The following MYO5B variants were observed in gnomAD, a reference collection of about 807,000 sequenced individuals.
MYO5B encodes myosin VB.
In MYO5B, 143 loss-of-function variants were observed where a neutral mutation model predicts 229.3. The observed-to-expected ratio is 0.62, with a 90% CI of 0.54 to 0.72. The LOEUF is 0.72. Among genes scored for constraint, MYO5B ranks in the 30% least tolerant of loss-of-function variants. The probability of loss-of-function intolerance (pLI) is 0.00; values close to 1 mark genes in which losing one functional copy is unlikely to be tolerated. For synonymous variants in MYO5B, 918 were observed against 885.2 expected (o/e 1.04, Z -0.66); for missense variants, 2,321 against 2,331.0 (o/e 1.00, Z 0.09).
intron 12 of MYO5B, among the ~76,000 whole-genome samples, chr18:49,957,821 C>A (rs538104792): frequency 1.7e-3 from 265 of 152,200 alleles, no homozygotes; most frequent in Middle Eastern, 0.01. Flanking sequence ...AGGCCTTGTA[C>A]CCCTGCTGAC....
At chr18:50,110,441 A>T (rs554663349) in intron 1 of MYO5B, among the ~76,000 whole-genome samples, 1 of 152,082 alleles carries the variant, frequency 6.6e-6, no homozygotes, top group Non-Finnish European at 1.5e-5. Context: ...GCTTTCTCTC[A>T]TTTTATACAA....
intron 4 of MYO5B, among the ~76,000 whole-genome samples, chr18:50,004,835 C>T (rs2026084366): frequency 6.6e-6 from 1 of 152,128 alleles, no homozygotes; most frequent in African/African-American, 2.4e-5. Flanking sequence ...GTGCAGCGTG[C>T]AGCAGCTCTC....
Position 49,980,436 on chromosome 18 carries a change from C to T in MYO5B, c.1056+8G>A. 1 of 1,585,538 alleles carries T rather than the reference C, an allele frequency of 6.3e-7. No homozygotes were observed. Among genetic ancestry groups the T allele is most frequent in the South Asian group, 1.1e-5 (1 of 90,490 alleles). The stretch of plus-strand genomic sequence containing the variant: ...TCATTTTATCTCCGGTGTTGGTGTG[C>T]AACTTACTGATATACTACAGGAATC... On this transcript the variant is annotated splice_region_variant and intron_variant, in intron 9 of 39. Coordinates refer to ENST00000285039, the MANE Select transcript of MYO5B (RefSeq NM_001080467.3).
intron 25 of MYO5B, 67 bp downstream of exon 25, chr18:49,877,696 T>G: frequency 6.2e-7 from 1 of 1,607,592 alleles, no homozygotes; most frequent in Admixed American, 1.7e-5. Context: ...TCTTGGACAG[T>G]TCCACACAGA....
chr18:50,179,715 G>A (rs1003803633), intron 1 of MYO5B, among the ~76,000 whole-genome samples: 1 of 152,196 alleles, frequency 6.6e-6, no homozygotes, highest in Non-Finnish European at 1.5e-5. Context: ...GCCATGGAAG[G>A]CTTCAGCATT....
chr18:49,953,892 A>ATGTGTG (rs745554559), intron 13 of MYO5B, among the ~76,000 whole-genome samples: 9 of 127,558 alleles, frequency 7.1e-5, no homozygotes, highest in African/African-American at 2.3e-4. Flanking sequence ...ATATATACAT[A>ATGTGTG]TATGTGTGTG....
At chr18:50,059,090 C>G (rs1228673553) in intron 1 of MYO5B, among the ~76,000 whole-genome samples, 1 of 152,154 alleles carries the variant, frequency 6.6e-6, no homozygotes, top group Non-Finnish European at 1.5e-5. Flanking sequence ...TCAGTTTCAC[C>G]TCATTACAGC....
intron 4 of MYO5B, among the ~76,000 whole-genome samples, chr18:50,028,764 C>T (rs1437139046): frequency 6.6e-6 from 1 of 152,214 alleles, no homozygotes; most frequent in Non-Finnish European, 1.5e-5. Context: ...AACTAATTTC[C>T]ACCGGGTGAC....
chr18:49,853,703 G>A, intron 30 of MYO5B, 56 bp from the exon 31 acceptor site: 3 of 1,532,272 alleles, frequency 2.0e-6, no homozygotes, highest in East Asian at 2.3e-5. Context: ...CCCCATCTGA[G>A]GGGACACAGG....
At chr18:49,853,786 C>A in intron 30 of MYO5B, 139 bp from the exon 31 acceptor site, 1 of 786,514 alleles carries the variant, frequency 1.3e-6, no homozygotes, top group Non-Finnish European at 2.1e-6. Context: ...ATGAATGCAG[C>A]AGGAGACAGA....
intron 12 of MYO5B, 98 bp downstream of exon 12, chr18:49,962,168 G>A: frequency 2.0e-6 from 3 of 1,521,954 alleles, no homozygotes; most frequent in Non-Finnish European, 2.7e-6. Context: ...CTGAAGGCCA[G>A]CTGATCACAG....
chr18:49,928,387 T>A (rs2025153107), intron 17 of MYO5B, among the ~76,000 whole-genome samples: 3 of 152,204 alleles, frequency 2.0e-5, no homozygotes, highest in Admixed American at 2.0e-4. Flanking sequence ...CTCACGCCTG[T>A]CATCCTAGCA....
chr18:49,964,082 A>C (rs1316555423), intron 10 of MYO5B, among the ~76,000 whole-genome samples: 3 of 152,180 alleles, frequency 2.0e-5, no homozygotes, highest in Non-Finnish European at 1.5e-5. Flanking sequence ...TAGTTTTGTG[A>C]CAAATTCTTT....
At chr18:50,122,160 G>A (rs946109041) in intron 1 of MYO5B, among the ~76,000 whole-genome samples, 6 of 152,080 alleles carry the variant, frequency 3.9e-5, no homozygotes. Context: ...CCAGAACACT[G>A]GGCACAGATG....
intron 10 of MYO5B, among the ~76,000 whole-genome samples, chr18:49,971,264 A>G (rs2025689093): frequency 6.6e-6 from 1 of 152,208 alleles, no homozygotes; most frequent in Non-Finnish European, 1.5e-5. Flanking sequence ...AGAGAGGGCG[A>G]GAAGTGGGGC....
rs573105118 is a variant in MYO5B at position 50,069,165 on chromosome 18, C to T, written c.28-13787G>A. Among the ~76,000 whole-genome samples, 6 of 151,940 alleles carry T rather than the reference C, an allele frequency of 3.9e-5. No homozygotes were observed. The South Asian group carries it at 1.3e-3, about 32-fold the overall frequency. On this transcript the variant is annotated intron_variant, in intron 1 of 39. Coordinates refer to ENST00000285039, the MANE Select transcript of MYO5B (RefSeq NM_001080467.3). ...GGAAATGGGTAAAAGGGCAATGTTC[C>T]CCGGTTAAAAAAAAAATAGCAATAA...
chr18:49,941,894 A>G (rs2025317919), intron 14 of MYO5B, among the ~76,000 whole-genome samples: 2 of 138,964 alleles, frequency 1.4e-5, no homozygotes, highest in Non-Finnish European at 3.1e-5. Context: ...AAAAGAACAA[A>G]GCCAGAGGCA....
intron 14 of MYO5B, among the ~76,000 whole-genome samples, chr18:49,940,383 G>C (rs2025301198): frequency 6.6e-6 from 1 of 152,120 alleles, no homozygotes; most frequent in African/African-American, 2.4e-5. Flanking sequence ...ACTGTTCTCA[G>C]AACCTGTCAG....
At chr18:50,168,362 C>A (rs896269278) in intron 1 of MYO5B, among the ~76,000 whole-genome samples, 20 of 152,228 alleles carry the variant, frequency 1.3e-4, no homozygotes, top group African/African-American at 4.8e-4. Context: ...CCAGAAGACT[C>A]AGGAAAGATA....
Sources: gnomAD v4.1 joint callset for allele counts (sites outside exome capture counted in the v4.1 genomes callset) on GRCh38, gnomAD v4.1.1 for gene constraint, MANE v1.5 for transcripts, NCBI Gene and HGNC (gene_info 2026-07-23, HGNC 2026-07-21) for gene names.